LRBA: variants seen among roughly 807,000 people sequenced by gnomAD.
LRBA encodes lipopolysaccharide-responsive and beige-like anchor protein.
In LRBA, 176 loss-of-function variants were observed where a neutral mutation model predicts 330.0. The ratio of observed to expected loss-of-function variants is 0.53; its 90% CI spans 0.47 to 0.60. The LOEUF (loss-of-function observed/expected upper bound fraction) is 0.60, where lower values mean the gene tolerates loss of function less well. Ranked by LOEUF, LRBA falls within the 20% of genes least tolerant of loss-of-function variation. LRBA has a pLI of 0.00. For synonymous variants in LRBA, 1,230 were observed against 1,193.0 expected (o/e 1.03, Z -0.64); for missense variants, 3,259 against 3,444.8 (o/e 0.95, Z 1.35).
chr4:150,507,416 T>C (rs1000512438), intron 40 of LRBA, among the ~76,000 whole-genome samples: 1 of 151,956 alleles, frequency 6.6e-6, no homozygotes, highest in Non-Finnish European at 1.5e-5. Context: ...CCCTCAGAAA[T>C]AATGCCGCAT....
chr4:150,535,684 A>T (rs1425662445), intron 40 of LRBA, among the ~76,000 whole-genome samples: 1 of 152,194 alleles, frequency 6.6e-6, no homozygotes, highest in Non-Finnish European at 1.5e-5. Context: ...GACTTTTTAA[A>T]ATTGAAGATA....
At chr4:150,997,386 GACTC>G (rs1195061993) in intron 2 of LRBA, among the ~76,000 whole-genome samples, 1 of 152,128 alleles carries the variant, frequency 6.6e-6, no homozygotes, top group African/African-American at 2.4e-5. Flanking sequence ...GTCATCATTT[GACTC>G]ACTCAAACTA....
intron 44 of LRBA, among the ~76,000 whole-genome samples, chr4:150,441,058 T>A (rs2152004375): frequency 6.6e-6 from 1 of 152,224 alleles, no homozygotes; most frequent in Non-Finnish European, 1.5e-5. Context: ...GTAATTTTGC[T>A]AGTTAACAAA....
intron 36 of LRBA, among the ~76,000 whole-genome samples, chr4:150,709,217 C>A (rs1785941034): frequency 6.6e-6 from 1 of 151,794 alleles, no homozygotes; most frequent in Non-Finnish European, 1.5e-5. Flanking sequence ...TTTTTGGAAA[C>A]CATGTTCCTT....
chr4:150,280,967 G>C (rs1747427020), intron 55 of LRBA, among the ~76,000 whole-genome samples: 1 of 152,212 alleles, frequency 6.6e-6, no homozygotes, highest in Admixed American at 6.5e-5. Context: ...CTAAAATCCA[G>C]TGGGAAATAT....
At chr4:150,690,501 CAA>C (rs70941425) in intron 36 of LRBA, among the ~76,000 whole-genome samples, 135 of 123,752 alleles carry the variant, frequency 1.1e-3, no homozygotes, top group Middle Eastern at 3.9e-3. Flanking sequence ...GACTCCATCT[CAA>C]AAAAAAAAAA....
chr4:150,722,558 A>G (rs1442368208), intron 36 of LRBA, among the ~76,000 whole-genome samples: 1 of 152,080 alleles, frequency 6.6e-6, no homozygotes, highest in Non-Finnish European at 1.5e-5. Context: ...AATAAAAGGA[A>G]CATACAAGTG....
At chr4:150,429,928 T>C (rs972078292) in intron 46 of LRBA, among the ~76,000 whole-genome samples, 1 of 152,172 alleles carries the variant, frequency 6.6e-6, no homozygotes, top group Admixed American at 6.6e-5. Context: ...ATATTAAATA[T>C]AGCAAATAAC....
intron 42 of LRBA, among the ~76,000 whole-genome samples, chr4:150,487,263 A>T (rs1028274819): frequency 8.0e-5 from 12 of 150,940 alleles, no homozygotes; most frequent in Middle Eastern, 3.5e-3. Context: ...TATGATATAT[A>T]TTATATATAT....
intron 35 of LRBA, among the ~76,000 whole-genome samples, chr4:150,745,152 A>G (rs1394338988): frequency 6.6e-6 from 1 of 152,214 alleles, no homozygotes; most frequent in African/African-American, 2.4e-5. Flanking sequence ...AAAGAAATGC[A>G]GTTTGACCAA....
intron 37 of LRBA, among the ~76,000 whole-genome samples, chr4:150,615,350 C>T (rs1397816009): frequency 6.6e-6 from 1 of 152,188 alleles, no homozygotes; most frequent in African/African-American, 2.4e-5. Context: ...AACGTGATCA[C>T]TCCAGCTCCT....
intron 2 of LRBA, among the ~76,000 whole-genome samples, chr4:151,011,999 A>T (rs1217413770): frequency 6.6e-6 from 1 of 152,150 alleles, no homozygotes; most frequent in East Asian, 1.9e-4. Flanking sequence ...GAGTGGCCAA[A>T]ACCCCAGATA....
At chr4:150,877,191 G>A (rs112996876) in intron 17 of LRBA, among the ~76,000 whole-genome samples, 5,112 of 150,652 alleles carry the variant, frequency 0.034, 167 homozygotes, top group Non-Finnish European at 0.046. Flanking sequence ...CTGGGAGGCA[G>A]AGCTTGCAGT....
chr4:150,885,426 G>C (rs1390213385), intron 17 of LRBA, among the ~76,000 whole-genome samples: 1 of 152,032 alleles, frequency 6.6e-6, no homozygotes, highest in African/African-American at 2.4e-5. Context: ...TTCGAGACCA[G>C]CCTGACCCAC....
At chr4:150,275,250 CAATA>C (rs1232766057) in intron 56 of LRBA, among the ~76,000 whole-genome samples, 1 of 152,120 alleles carries the variant, frequency 6.6e-6, no homozygotes, top group African/African-American at 2.4e-5. Context: ...TAAAAACTCT[CAATA>C]AACTAGGTAC....
chr4:150,470,810 C>A (rs1438568721), intron 43 of LRBA, among the ~76,000 whole-genome samples: 1 of 150,314 alleles, frequency 6.7e-6, no homozygotes, highest in African/African-American at 2.5e-5. Context: ...TTTTTAATTC[C>A]CACTGATACC....
At chr4:150,522,441 T>G (rs1763019518) in intron 40 of LRBA, among the ~76,000 whole-genome samples, 1 of 152,192 alleles carries the variant, frequency 6.6e-6, no homozygotes, top group South Asian at 2.1e-4. Context: ...TCAGATGCTA[T>G]TCATCAAAGC....
chr4:150,345,289 G>A (rs1356617134), intron 48 of LRBA, among the ~76,000 whole-genome samples: 4 of 152,000 alleles, frequency 2.6e-5, no homozygotes, highest in East Asian at 1.9e-4. Context: ...TACATGATTC[G>A]GGTTTAGTAA....
chr4:150,991,067 AAAAG>A (rs1238072159), intron 2 of LRBA, among the ~76,000 whole-genome samples: 19 of 151,990 alleles, frequency 1.3e-4, no homozygotes, highest in Non-Finnish European at 2.1e-4. Context: ...AAAAAAAAAA[AAAAG>A]AAGACGAAGA....
Sources: allele counts gnomAD v4.1 joint callset (sites outside exome capture counted in the v4.1 genomes callset), GRCh38; gene constraint gnomAD v4.1.1; transcripts MANE v1.5; gene names NCBI Gene and HGNC (gene_info 2026-07-23, HGNC 2026-07-21).